Variants in NUP107 observed in about 807,000 individuals in gnomAD.
The protein encoded by NUP107 is nuclear pore complex protein Nup107.
Under a neutral mutation model 141.0 loss-of-function variants are expected in NUP107, and 101 were observed. The observed-to-expected ratio is 0.72, with a 90% CI of 0.61 to 0.84. The LOEUF (loss-of-function observed/expected upper bound fraction) is 0.84, where lower values mean the gene tolerates loss of function less well. Ranked by LOEUF, NUP107 falls within the 40% of genes least tolerant of loss-of-function variation. NUP107 has a pLI of 0.00. For missense variants in NUP107, 941 were observed against 1,102.7 expected, an observed-to-expected ratio of 0.85 and a Z score of 2.08; for synonymous variants, 319 against 363.9, an observed-to-expected ratio of 0.88 and a Z score of 1.41.
In NUP107 at chr12:68,745,265, A is replaced by C. The variant is rs1878481525; in HGVS notation, c.*2803A>C. 1 of 152,182 alleles carries C rather than the reference A, an allele frequency of 6.6e-6. No individual in the cohort carries two copies. Among genetic ancestry groups the C allele is most frequent in the African/African-American group, 2.4e-5 (1 of 41,438 alleles). 9.4% of individuals were successfully genotyped at this position (152,182 alleles called of 1,614,324 possible). A position where few individuals can be genotyped will look rare whatever the true frequency, so the allele number is the denominator to read the frequency against. ...TACCACAGTCTCTCTTTTTAATTTT[A>C]TGACTGCTGAATTAATCCTAGACTC... On this transcript the variant is annotated 3_prime_UTR_variant, in exon 28 of 28. Coordinates refer to ENST00000229179, the MANE Select transcript of NUP107 (RefSeq NM_020401.4).
At chr12:68,692,303 G>A (rs544925505) in intron 5 of NUP107, 191 bp downstream of exon 5, 172 of 535,528 alleles carry the variant, frequency 3.2e-4, no homozygotes, top group African/African-American at 3.0e-3. Context: ...CTCTGTTGCC[G>A]GGCGCGGTGG....
intron 26 of NUP107, among the ~76,000 whole-genome samples, chr12:68,738,484 C>T (rs564577552): frequency 1.3e-5 from 2 of 152,164 alleles, no homozygotes; most frequent in Non-Finnish European, 2.9e-5. Flanking sequence ...ATTCCCTTCC[C>T]TTACATAGAT....
chr12:68,703,162 C>G (rs1592498907), intron 8 of NUP107, among the ~76,000 whole-genome samples: 1 of 151,952 alleles, frequency 6.6e-6, no homozygotes, highest in African/African-American at 2.4e-5. Flanking sequence ...TTATTTTCAG[C>G]CTTCCATCTT....
At chr12:68,735,837 A>G (rs1339591878) in intron 26 of NUP107, among the ~76,000 whole-genome samples, 1 of 152,180 alleles carries the variant, frequency 6.6e-6, no homozygotes, top group Non-Finnish European at 1.5e-5. Flanking sequence ...AATATAATAT[A>G]TAGCCTGTGT....
chr12:68,731,087 T>G lies in NUP107; in HGVS notation c.1735-23T>G, dbSNP rs201103182. On this transcript the variant is annotated intron_variant, in intron 20 of 27. Transcript: ENST00000229179. The stretch of plus-strand genomic sequence containing the variant: ...ACTTTTAATTTTATTATTGACATAC[T>G]TTGATCTTTTTCTATTTTTTAGCTT... 73 of 1,497,568 alleles carry G rather than the reference T, an allele frequency of 4.9e-5. No individual in the cohort carries two copies. The East Asian group carries it at 1.7e-3, about 34-fold the overall frequency. 92.8% of individuals were successfully genotyped at this position (1,497,568 alleles called of 1,614,324 possible).
rs774137110 is a variant in NUP107 at position 68,689,756 on chromosome 12, G to C, written c.187+137G>C. The C allele has an allele frequency of 6.3e-6, 4 of 630,830 alleles. No homozygotes were observed. The African/African-American group carries it at 7.4e-5, about 12-fold the overall frequency. The allele number at this position is 630,830 out of a possible 1,614,324, so 39.1% of individuals were successfully genotyped here. ...ATAATAATGATTGCAGTTATTATTC[G>C]TTTGAACTCTTGCCATGTACAAGGT... On this transcript the variant is annotated intron_variant, in intron 3 of 27. Transcript: ENST00000229179.
intron 2 of NUP107, 73 bp from the exon 3 acceptor site, chr12:68,689,460 G>C: frequency 1.1e-6 from 1 of 876,134 alleles, no homozygotes; most frequent in East Asian, 2.5e-5. Flanking sequence ...AATTTGTATA[G>C]TAAAAAGATG....
chr12:68,735,067 G>A (rs974792118), intron 25 of NUP107, among the ~76,000 whole-genome samples, 164 bp from the exon 26 acceptor site: 2 of 152,126 alleles, frequency 1.3e-5, no homozygotes, highest in African/African-American at 4.8e-5. Context: ...ACATTTTAGC[G>A]TTTTACTTAA....
intron 24 of NUP107, among the ~76,000 whole-genome samples, chr12:68,734,374 C>T (rs1877973239): frequency 6.6e-6 from 1 of 152,164 alleles, no homozygotes; most frequent in Non-Finnish European, 1.5e-5. Flanking sequence ...GTGGATAGCA[C>T]CCTATCCTTG....
At chr12:68,706,634 C>A (rs1281131735) in intron 8 of NUP107, 7 of 710,966 alleles carry the variant, frequency 9.8e-6, no homozygotes, top group Non-Finnish European at 1.8e-5. Flanking sequence ...AGGCCGCCAT[C>A]GCAGATGCTG....
intron 8 of NUP107, among the ~76,000 whole-genome samples, chr12:68,704,248 G>A (rs771352486): frequency 5.9e-5 from 9 of 152,134 alleles, no homozygotes; most frequent in Non-Finnish European, 8.8e-5. Context: ...GGCCTTGGCT[G>A]GATTGAGGGT....
At chr12:68,715,776 A>G in intron 12 of NUP107, 36 bp downstream of exon 12, 5 of 1,316,758 alleles carry the variant, frequency 3.8e-6, no homozygotes, top group Non-Finnish European at 5.4e-6. Flanking sequence ...TAATTTCAAA[A>G]AGTCATAGAC....
chr12:68,727,907 A>T (rs775433496), intron 20 of NUP107, among the ~76,000 whole-genome samples: 10 of 152,316 alleles, frequency 6.6e-5, no homozygotes, highest in Non-Finnish European at 1.0e-4. Context: ...GGACCTGCAC[A>T]GTTCAATCCC....
chr12:68,707,967 G>C (rs530148569), intron 8 of NUP107, among the ~76,000 whole-genome samples: 2 of 151,862 alleles, frequency 1.3e-5, no homozygotes, highest in African/African-American at 4.8e-5. Context: ...GTGGTGGCAG[G>C]CACCTCCCTT....
At chr12:68,733,686 T>C in intron 24 of NUP107, 74 bp downstream of exon 24, 2 of 1,475,368 alleles carry the variant, frequency 1.4e-6, no homozygotes, top group South Asian at 2.6e-5. Context: ...GAGTTTGAAC[T>C]TTTTTCTAGA....
At chr12:68,721,703 G>C in intron 15 of NUP107, 138 bp from the exon 16 acceptor site, 2 of 785,858 alleles carry the variant, frequency 2.5e-6, no homozygotes, top group Non-Finnish European at 4.0e-6. Context: ...AAGGTTATTT[G>C]GCATAATTTT....
intron 4 of NUP107, among the ~76,000 whole-genome samples, chr12:68,691,424 A>T (rs1391646036): frequency 6.6e-6 from 1 of 152,228 alleles, no homozygotes; most frequent in East Asian, 1.9e-4. Context: ...ATAAAAGAGA[A>T]AATTGGAAAA....
intron 22 of NUP107, 55 bp from the exon 23 acceptor site, chr12:68,732,582 C>T (rs1407868625): frequency 1.8e-6 from 2 of 1,088,378 alleles, no homozygotes; most frequent in Admixed American, 2.3e-5. Context: ...TGTAGAATAT[C>T]TTTAAAAAAA....
At chr12:68,736,882 A>G (rs1272011873) in intron 26 of NUP107, among the ~76,000 whole-genome samples, 1 of 151,764 alleles carries the variant, frequency 6.6e-6, no homozygotes, top group Non-Finnish European at 1.5e-5. Context: ...TTGTATTTTT[A>G]GTAGAGATGG....
Sources: allele counts gnomAD v4.1 joint callset (sites outside exome capture counted in the v4.1 genomes callset), GRCh38; gene constraint gnomAD v4.1.1; transcripts MANE v1.5; gene names NCBI Gene and HGNC (gene_info 2026-07-23, HGNC 2026-07-21).